GRIK3: variants seen among roughly 807,000 people sequenced by gnomAD.
GRIK3 encodes glutamate ionotropic receptor kainate type subunit 3, also known as glutamate receptor ionotropic, kainate 3.
A neutral mutation model predicts 102.5 loss-of-function variants in GRIK3; 29 were observed. The observed-to-expected ratio is 0.28, with a 90% CI of 0.21 to 0.39. The LOEUF (loss-of-function observed/expected upper bound fraction) is 0.39, where lower values mean the gene tolerates loss of function less well. GRIK3 is among the 10% of genes least tolerant of loss of function. The pLI, the probability that GRIK3 is intolerant of heterozygous loss-of-function variation, is 1.00. For missense variants in GRIK3, 908 were observed against 1,252.4 expected, an observed-to-expected ratio of 0.73 and a Z score of 4.15; for synonymous variants, 511 against 504.9, an observed-to-expected ratio of 1.01 and a Z score of -0.16.
intron 9 of GRIK3, among the ~76,000 whole-genome samples, chr1:36,846,569 C>T (rs1314230741): frequency 1.3e-5 from 2 of 152,166 alleles, no homozygotes; most frequent in Non-Finnish European, 2.9e-5. Context: ...CACTGTTGCC[C>T]TGACAACATC....
chr1:36,948,971 C>T (rs1486480100), intron 1 of GRIK3, among the ~76,000 whole-genome samples: 1 of 152,194 alleles, frequency 6.6e-6, no homozygotes, highest in Non-Finnish European at 1.5e-5. Flanking sequence ...CTGGGGACTC[C>T]CTGAGCAGGG....
intron 1 of GRIK3, among the ~76,000 whole-genome samples, chr1:36,989,158 T>A (rs1340419609): frequency 1.3e-5 from 2 of 151,984 alleles, no homozygotes; most frequent in Non-Finnish European, 2.9e-5. Context: ...GTACACATGC[T>A]CCATGGTCCC....
Position 36,861,508 on chromosome 1 carries a change from G to A in GRIK3, c.787-1491C>T, listed in dbSNP as rs151252866. On this transcript the variant is annotated intron_variant, in intron 5 of 15. Coordinates refer to ENST00000373091, the MANE Select transcript of GRIK3 (RefSeq NM_000831.4). ...TGCTTGACTCTCTGTGACTGCCACC[G>A]TCATGGGGAACATCCAGCCCCATCA... Among the ~76,000 whole-genome samples, 422 of 152,294 alleles carry A rather than the reference G, an allele frequency of 2.8e-3. 2 individuals are homozygous for A. The highest frequency in any genetic ancestry group is 9.8e-3 in the African/African-American group (406 of 41,552).
chr1:36,813,700 G>T (rs1398003086), intron 13 of GRIK3, among the ~76,000 whole-genome samples: 2 of 151,412 alleles, frequency 1.3e-5, no homozygotes, highest in Non-Finnish European at 2.9e-5. Flanking sequence ...ACTACAGAGG[G>T]CAGAGGGGTG....
At chr1:37,030,407 C>T (rs921443934) in intron 1 of GRIK3, among the ~76,000 whole-genome samples, 4 of 152,102 alleles carry the variant, frequency 2.6e-5, no homozygotes, top group Non-Finnish European at 5.9e-5. Context: ...GGGTGTCTCT[C>T]CCCAGGGATC....
chr1:36,968,219 CCGTGTGTG>C (rs1642100515), intron 1 of GRIK3, among the ~76,000 whole-genome samples: 1 of 127,382 alleles, frequency 7.9e-6, no homozygotes, highest in Non-Finnish European at 1.6e-5. Context: ...CTCTCTCTCT[CCGTGTGTG>C]TGTGTGTGTG....
intron 1 of GRIK3, among the ~76,000 whole-genome samples, chr1:37,015,373 G>A (rs1642642678): frequency 6.6e-6 from 1 of 152,190 alleles, no homozygotes; most frequent in African/African-American, 2.4e-5. Flanking sequence ...CACTTGCCTA[G>A]AAAGCCGGAG....
chr1:36,822,773 G>C (rs1642709849), intron 11 of GRIK3, among the ~76,000 whole-genome samples: 1 of 152,186 alleles, frequency 6.6e-6, no homozygotes, highest in African/African-American at 2.4e-5. Flanking sequence ...CTCACCCTCA[G>C]CCCTGCCTCC....
chr1:37,011,739 G>A (rs1570864612), intron 1 of GRIK3, among the ~76,000 whole-genome samples: 2 of 152,324 alleles, frequency 1.3e-5, no homozygotes, highest in East Asian at 3.9e-4. Context: ...CTCAAAAAAT[G>A]TACATGAGTG....
In GRIK3 at chr1:36,850,984, G is replaced by A. The variant is rs1442955230; in HGVS notation, c.1213-560C>T. Among the ~76,000 whole-genome samples the A allele has an allele frequency of 6.6e-6, 1 of 152,176 alleles. No homozygotes were observed. Among genetic ancestry groups the A allele is most frequent in the East Asian group, 1.9e-4 (1 of 5,198 alleles). On this transcript the variant is annotated intron_variant, in intron 8 of 15. Coordinates refer to ENST00000373091, the MANE Select transcript of GRIK3 (RefSeq NM_000831.4). The surrounding 1 kb of genome is among the most constrained non-coding windows in gnomAD (Gnocchi z 4.0). ...TCTCTACAGCGTCCTTGTGGATATCGGGCCTGAGGCTAGAGGTAGAGAAGG... is the reference window on the plus strand; with the variant it reads ...TCTCTACAGCGTCCTTGTGGATATCAGGCCTGAGGCTAGAGGTAGAGAAGG...
intron 1 of GRIK3, among the ~76,000 whole-genome samples, chr1:36,938,396 T>G (rs1641683000): frequency 6.6e-6 from 1 of 152,178 alleles, no homozygotes; most frequent in African/African-American, 2.4e-5. Context: ...AATGACCACA[T>G]AGCAGGGGTT....
intron 1 of GRIK3, among the ~76,000 whole-genome samples, chr1:36,953,107 G>A (rs1251487142): frequency 2.0e-5 from 3 of 152,226 alleles, no homozygotes; most frequent in East Asian, 1.9e-4. Flanking sequence ...TTCAGCACAC[G>A]TCTGTTGGGC....
chr1:36,959,375 C>G (rs1169875782), intron 1 of GRIK3, among the ~76,000 whole-genome samples: 2 of 123,142 alleles, frequency 1.6e-5, no homozygotes, highest in Non-Finnish European at 3.5e-5. Flanking sequence ...CCCTGTGAGT[C>G]TGTGTGCCCT....
chr1:36,861,538 C>T (rs549691036), intron 5 of GRIK3, among the ~76,000 whole-genome samples: 4 of 152,268 alleles, frequency 2.6e-5, no homozygotes, highest in African/African-American at 4.8e-5. Flanking sequence ...CCATCACAGC[C>T]GCAGCTTTAG....
intron 1 of GRIK3, among the ~76,000 whole-genome samples, chr1:36,891,616 C>CT (rs1354234153): frequency 6.6e-6 from 1 of 152,148 alleles, no homozygotes; most frequent in Non-Finnish European, 1.5e-5. Context: ...TTCCTTGAAA[C>CT]TTTTTTAGCT....
At chr1:37,021,784 A>G (rs984520102) in intron 1 of GRIK3, among the ~76,000 whole-genome samples, 5 of 152,176 alleles carry the variant, frequency 3.3e-5, no homozygotes, top group Non-Finnish European at 7.3e-5. Flanking sequence ...TCAGGGCTCC[A>G]TTGCAAACCT....
At chr1:36,852,721 C>T (rs1293825760) in intron 8 of GRIK3, among the ~76,000 whole-genome samples, 2 of 152,308 alleles carry the variant, frequency 1.3e-5, no homozygotes, top group South Asian at 2.1e-4. Context: ...TCCGAAGTGG[C>T]CCCTCCACTC....
At chr1:36,870,865 A>T (rs2124252301) in intron 4 of GRIK3, among the ~76,000 whole-genome samples, 1 of 142,418 alleles carries the variant, frequency 7.0e-6, no homozygotes, top group East Asian at 2.4e-4. Flanking sequence ...GCAACTGCCG[A>T]GTAAACCAAA....
At chr1:37,022,269 C>G (rs1642722615) in intron 1 of GRIK3, among the ~76,000 whole-genome samples, 1 of 152,228 alleles carries the variant, frequency 6.6e-6, no homozygotes, top group Non-Finnish European at 1.5e-5. Context: ...TGCCTCACAG[C>G]TGTCCTGAGT....
Sources: gnomAD v4.1 joint callset for allele counts (sites outside exome capture counted in the v4.1 genomes callset) on GRCh38, gnomAD v4.1.1 for gene constraint, Gnocchi (gnomAD v3.1) non-coding constraint, MANE v1.5 for transcripts, NCBI Gene and HGNC (gene_info 2026-07-23, HGNC 2026-07-21) for gene names.